The following MPPED1 variants were observed in gnomAD, a reference collection of about 807,000 sequenced individuals.
MPPED1 encodes the protein metallophosphoesterase domain containing 1, also known as metallophosphoesterase domain-containing protein 1.
MPPED1 carries 16 observed loss-of-function variants against 36.2 expected under a neutral mutation model. The ratio of observed to expected loss-of-function variants is 0.44; its 90% CI spans 0.30 to 0.67. The LOEUF (loss-of-function observed/expected upper bound fraction) is 0.67, where lower values mean the gene tolerates loss of function less well. Among genes scored for constraint, MPPED1 ranks in the 30% least tolerant of loss-of-function variants. MPPED1 has a pLI of 0.10. For synonymous variants in MPPED1, 199 were observed against 191.3 expected, an observed-to-expected ratio of 1.04 and a Z score of -0.33; for missense variants, 307 against 453.4, an observed-to-expected ratio of 0.68 and a Z score of 2.93.
intron 1 of MPPED1, among the ~76,000 whole-genome samples, chr22:43,420,983 G>T (rs572475353): frequency 6.6e-6 from 1 of 152,064 alleles, no homozygotes; most frequent in Non-Finnish European, 1.5e-5. Flanking sequence ...ATCCTCCCCC[G>T]TAGTTCCATT....
chr22:43,500,278 C>CGGTGGTGTTGGTGGT (rs1347664663), intron 5 of MPPED1, among the ~76,000 whole-genome samples: 1 of 19,868 alleles, frequency 5.0e-5, no homozygotes. Flanking sequence ...ATGGAGGTGG[C>CGGTGGTGTTGGTGGT]GGTGGTGATG....
At chr22:43,441,870 A>G (rs1334410957) in intron 3 of MPPED1, among the ~76,000 whole-genome samples, 2 of 152,194 alleles carry the variant, frequency 1.3e-5, no homozygotes, top group Non-Finnish European at 2.9e-5. Context: ...GTTTGCCTGG[A>G]AATGGGCCAC....
chr22:43,471,628 C>T (rs1184985720), intron 3 of MPPED1, among the ~76,000 whole-genome samples: 1 of 152,222 alleles, frequency 6.6e-6, no homozygotes, highest in Non-Finnish European at 1.5e-5. Flanking sequence ...CCTCCCGGAC[C>T]CACTACCAGC....
intron 3 of MPPED1, among the ~76,000 whole-genome samples, chr22:43,438,663 GTC>G (rs145257362): frequency 6.6e-6 from 1 of 151,282 alleles, no homozygotes; most frequent in Non-Finnish European, 1.5e-5. Context: ...CTTTAGGATT[GTC>G]TCTCTCTCTC....
At chr22:43,433,055 C>G (rs1055313685) in intron 2 of MPPED1, among the ~76,000 whole-genome samples, 5 of 152,048 alleles carry the variant, frequency 3.3e-5, no homozygotes, top group African/African-American at 1.2e-4. Flanking sequence ...TTGGTCTGAT[C>G]AGCTGTGTGT....
At chr22:43,456,836 T>C (rs1373257619) in intron 3 of MPPED1, among the ~76,000 whole-genome samples, 1 of 152,212 alleles carries the variant, frequency 6.6e-6, no homozygotes, top group East Asian at 1.9e-4. Context: ...GGGTGTTTTA[T>C]TTTGTCAAAT....
chr22:43,412,966 C>T (rs539744750), intron 1 of MPPED1, among the ~76,000 whole-genome samples: 9 of 152,338 alleles, frequency 5.9e-5, no homozygotes, highest in African/African-American at 2.2e-4. Flanking sequence ...GCCTGGCCTT[C>T]GGAACTCACC....
intron 4 of MPPED1, among the ~76,000 whole-genome samples, chr22:43,480,550 T>C (rs751917419): frequency 1.3e-5 from 2 of 152,140 alleles, no homozygotes; most frequent in Non-Finnish European, 2.9e-5. Flanking sequence ...AATAATTGGA[T>C]TGTTTGTCTT....
In MPPED1 at chr22:43,476,608, T is replaced by G. The variant is rs559719985; in HGVS notation, c.632+1647T>G. 1.8e-3 allele frequency among the ~76,000 whole-genome samples: 277 copies of G among 152,146 alleles called. 2 individuals are homozygous for G. Among genetic ancestry groups the G allele is most frequent in the African/African-American group, 5.8e-3 (242 of 41,512 alleles). On this transcript the variant is annotated intron_variant, in intron 4 of 6. Coordinates refer to ENST00000443721, the MANE Select transcript of MPPED1 (RefSeq NM_001044370.2). ...GGCGGCAGGCAGATTTAGGACCTGG[T>G]TTCATCTTGCCATAGCCTCCTCATG...
intron 3 of MPPED1, among the ~76,000 whole-genome samples, chr22:43,466,456 G>C (rs1931174967): frequency 1.3e-5 from 2 of 152,216 alleles, no homozygotes; most frequent in South Asian, 4.1e-4. Flanking sequence ...TCTGGGCTGT[G>C]CTATACATTG....
At chr22:43,460,735 C>G (rs1930928796) in intron 3 of MPPED1, among the ~76,000 whole-genome samples, 2 of 152,082 alleles carry the variant, frequency 1.3e-5, no homozygotes, top group South Asian at 2.1e-4. Context: ...GAGGGGCTCC[C>G]TACCATTGTG....
chr22:43,480,618 C>T (rs1029878472), intron 4 of MPPED1, among the ~76,000 whole-genome samples: 2 of 152,084 alleles, frequency 1.3e-5, no homozygotes, highest in Admixed American at 6.5e-5. Context: ...TGAGCCTTTT[C>T]CCAGTTGTGA....
At chr22:43,412,433 C>T (rs1412451496) in intron 1 of MPPED1, among the ~76,000 whole-genome samples, 1 of 152,032 alleles carries the variant, frequency 6.6e-6, no homozygotes, top group Non-Finnish European at 1.5e-5. Context: ...GCTCGCCAGT[C>T]GCTGCTGCTG....
rs998918326 is a variant in MPPED1 at position 43,502,255 on chromosome 22, C to T, written c.749-389C>T. ...ACCACCAGGGTGCCTGCCCTTGGGA[C>T]TCACCCGTCCCTCTCTGGCCTCCGT... On this transcript the variant is annotated intron_variant, in intron 5 of 6. Transcript: ENST00000443721. The surrounding 1 kb of genome is among the most constrained non-coding windows in gnomAD (Gnocchi z 5.5). 1.3e-5 allele frequency among the ~76,000 whole-genome samples: 2 copies of T among 152,236 alleles called. No individual in the cohort carries two copies. Among genetic ancestry groups the T allele is most frequent in the Non-Finnish European group, 2.9e-5 (2 of 68,006 alleles).
At chr22:43,479,580 A>G (rs1173168539) in intron 4 of MPPED1, among the ~76,000 whole-genome samples, 2 of 152,206 alleles carry the variant, frequency 1.3e-5, no homozygotes, top group African/African-American at 4.8e-5. Flanking sequence ...GGGGCATGCA[A>G]GCAGGGGGTC....
chr22:43,424,050 GT>G (rs2146818163), intron 1 of MPPED1, among the ~76,000 whole-genome samples: 1 of 152,324 alleles, frequency 6.6e-6, no homozygotes, highest in East Asian at 1.9e-4. Context: ...TGACCCCAAG[GT>G]GGGGTCGGTT....
At chr22:43,505,455 C>T (rs1602033722) in intron 6 of MPPED1, 43 bp from the exon 7 acceptor site, 1 of 1,547,952 alleles carries the variant, frequency 6.5e-7, no homozygotes, top group Non-Finnish European at 8.8e-7. Context: ...GCCACCCTCA[C>T]TACTCTGGCT....
In MPPED1 at chr22:43,505,920, C is replaced by A; in HGVS notation, c.*304C>A. The A allele has an allele frequency of 3.4e-6, 1 of 290,926 alleles. No homozygotes were observed. Among genetic ancestry groups the A allele is most frequent in the Non-Finnish European group, 6.4e-6 (1 of 155,920 alleles). The allele number at this position is 290,926 out of a possible 1,614,324, so 18.0% of individuals were successfully genotyped here. ...TTTGGGAAATGACTAAATCTTCATT[C>A]TTCTCCCTTGGACGCCCTCCTGGTT... On this transcript the variant is annotated 3_prime_UTR_variant, in exon 7 of 7. Transcript: ENST00000443721.
chr22:43,417,764 C>T, intron 1 of MPPED1: 1 of 254,584 alleles, frequency 3.9e-6, no homozygotes, highest in Non-Finnish European at 7.9e-6. Context: ...TTTTTCTCTG[C>T]ATCGCCCTGA....
Sources: allele counts gnomAD v4.1 joint callset (sites outside exome capture counted in the v4.1 genomes callset), GRCh38; gene constraint gnomAD v4.1.1; non-coding constraint Gnocchi (gnomAD v3.1); transcripts MANE v1.5; gene names NCBI Gene and HGNC (gene_info 2026-07-23, HGNC 2026-07-21).